Variants in EGFR observed in about 807,000 individuals in gnomAD.
The protein encoded by EGFR is epidermal growth factor receptor, also known as avian erythroblastic leukemia viral (v-erb-b) oncogene homolog.
Under a neutral mutation model 143.0 loss-of-function variants are expected in EGFR, and 58 were observed. The ratio of observed to expected loss-of-function variants is 0.41; its 90% CI spans 0.33 to 0.50. The LOEUF (loss-of-function observed/expected upper bound fraction) is 0.50, where lower values mean the gene tolerates loss of function less well. Among genes scored for constraint, EGFR ranks in the 20% least tolerant of loss-of-function variants. The pLI is 0.39. For synonymous variants in EGFR, 613 were observed against 594.4 expected (o/e 1.03, Z -0.45); for missense variants, 1,307 against 1,579.0 (o/e 0.83, Z 2.92).
intron 1 of EGFR, among the ~76,000 whole-genome samples, chr7:55,070,919 T>C (rs1583965667): frequency 6.6e-6 from 1 of 152,260 alleles, no homozygotes. Context: ...GAGAATCTTA[T>C]TTAATCCAAG....
At chr7:55,065,643 A>G (rs1222518449) in intron 1 of EGFR, among the ~76,000 whole-genome samples, 1 of 152,184 alleles carries the variant, frequency 6.6e-6, no homozygotes, top group African/African-American at 2.4e-5. Context: ...CATGTTAGCT[A>G]TGGCTGTGAA....
rs139396919 is a variant in EGFR, at chr7:55,059,268, A to G, written c.88+39903A>G. Among the ~76,000 whole-genome samples the G allele has an allele frequency of 2.8e-3, 426 of 152,344 alleles. 2 individuals are homozygous for G. The highest frequency in any genetic ancestry group is 9.6e-3 in the African/African-American group (399 of 41,576). ...AATGCTAGCTAGAGTTGAAATAAAG[A>G]GTGAAAGAACTTTCTCTTTTATTAC... is the stretch of plus-strand genomic sequence containing the variant. On this transcript the variant is annotated intron_variant, in intron 1 of 27. Transcript: ENST00000275493.
intron 5 of EGFR, among the ~76,000 whole-genome samples, chr7:55,151,704 C>G (rs1168835294): frequency 6.6e-6 from 1 of 152,104 alleles, no homozygotes; most frequent in Non-Finnish European, 1.5e-5. Flanking sequence ...GAAACCTCGT[C>G]TCTACTAAAA....
At position 55,027,975 on chromosome 7, in the gene EGFR, T is replaced by TAAAA. The variant is rs5884397; in HGVS notation, c.88+8624_88+8627dup. ...TACCTTGTATATTCATGCCTTTATG[T>TAAAA]AAAAAAAAAAAAAAAAATATATATA... On this transcript the variant is annotated intron_variant, in intron 1 of 27. Transcript: ENST00000275493. 1.7e-4 allele frequency among the ~76,000 whole-genome samples: 14 copies of TAAAA among 81,594 alleles called. No individual in the cohort carries two copies. In the South Asian group the frequency reaches 2.1e-3, roughly 12 times the overall value. 53.5% of individuals were successfully genotyped at this position (81,594 alleles called of 152,430 possible).
chr7:55,053,463 G>A (rs959487199), intron 1 of EGFR, among the ~76,000 whole-genome samples: 1 of 152,208 alleles, frequency 6.6e-6, no homozygotes, highest in Non-Finnish European at 1.5e-5. Context: ...CTGTGACCTT[G>A]GTGTCTCTGG....
chr7:55,180,949 G>C (rs1786834426), intron 19 of EGFR: 2 of 411,430 alleles, frequency 4.9e-6, no homozygotes, highest in Non-Finnish European at 9.1e-6. Flanking sequence ...TTGAGGCGGA[G>C]GTCTTCATAA....
At position 55,209,797 on chromosome 7, in the gene EGFR, A is replaced by G; in HGVS notation, c.*4180A>G. ...CTCTTTATGTAGCACTGAACTTTGT[A>G]CAATATATTTTTAGAAACTCATTTT... On this transcript the variant is annotated 3_prime_UTR_variant, in exon 28 of 28. Coordinates refer to ENST00000275493, the MANE Select transcript of EGFR (RefSeq NM_005228.5). The G allele has an allele frequency of 6.6e-6, 1 of 152,316 alleles. No homozygotes were observed. Among genetic ancestry groups the G allele is most frequent in the Non-Finnish European group, 1.5e-5 (1 of 68,020 alleles). 9.4% of individuals were successfully genotyped at this position (152,316 alleles called of 1,614,324 possible). A position where few individuals can be genotyped will look rare whatever the true frequency, so the allele number is the denominator to read the frequency against.
chr7:55,170,199 A>G, intron 15 of EGFR: 2 of 1,593,836 alleles, frequency 1.3e-6, no homozygotes, highest in South Asian at 2.3e-5. Context: ...TGTAGAGAAC[A>G]GAGACCTGGA....
At chr7:55,185,116 GA>G (rs1286135346) in intron 20 of EGFR, among the ~76,000 whole-genome samples, 1 of 152,036 alleles carries the variant, frequency 6.6e-6, no homozygotes, top group Non-Finnish European at 1.5e-5. Flanking sequence ...AACTGCCAAA[GA>G]GATTACATAA....
intron 1 of EGFR, among the ~76,000 whole-genome samples, chr7:55,029,511 A>T (rs1787132024): frequency 6.6e-6 from 1 of 152,128 alleles, no homozygotes; most frequent in African/African-American, 2.4e-5. Flanking sequence ...AAATTTTTAT[A>T]AATAACTGGA....
chr7:55,205,438 G>C lies in EGFR; in HGVS notation c.3454G>C (p.Asp1152His), dbSNP rs368892932. 31 of 1,613,944 alleles carry C rather than the reference G, an allele frequency of 1.9e-5. No homozygotes were observed. The highest frequency in any genetic ancestry group is 1.3e-4 in the Admixed American group (8 of 59,994). Residue 1152 changes from aspartate (D) to histidine (H), a missense_variant, in exon 28 of 28, where the codon GAC (aspartate) becomes CAC (histidine). Physicochemically the swap from Asp to His is moderately conservative, Grantham distance 81. Around this residue, in one of 7 missense-constraint regions of EGFR, gnomAD observed 313 missense variants for 312.3 expected, o/e 1.00. Coordinates refer to ENST00000275493, the MANE Select transcript of EGFR (RefSeq NM_005228.5). ...GCCCACCTGTGTCAACAGCACATTCGACAGCCCTGCCCACTGGGCCCAGAA... is the reference window on the plus strand; with the variant it reads ...GCCCACCTGTGTCAACAGCACATTCCACAGCCCTGCCCACTGGGCCCAGAA... Reference protein sequence around the residue: ...VQPTCVNSTFDSPAHWAQKGS... With the variant: ...VQPTCVNSTFHSPAHWAQKGS...
chr7:55,098,685 C>T (rs188713233), intron 1 of EGFR, among the ~76,000 whole-genome samples: 24 of 152,160 alleles, frequency 1.6e-4, no homozygotes, highest in African/African-American at 4.6e-4. Flanking sequence ...CAAGTTACTC[C>T]GGCAATATAA....
chr7:55,172,126 C>T (rs912433426), intron 16 of EGFR, among the ~76,000 whole-genome samples: 1 of 152,306 alleles, frequency 6.6e-6, no homozygotes, highest in Non-Finnish European at 1.5e-5. Flanking sequence ...ATCTTAGTCA[C>T]GGGGCTTTCC....
At chr7:55,077,215 T>G (rs1021646562) in intron 1 of EGFR, among the ~76,000 whole-genome samples, 1 of 152,198 alleles carries the variant, frequency 6.6e-6, no homozygotes, top group Non-Finnish European at 1.5e-5. Context: ...GCAGTTTTAT[T>G]GACTACTATT....
intron 1 of EGFR, among the ~76,000 whole-genome samples, chr7:55,033,427 C>G (rs1024793928): frequency 2.0e-5 from 3 of 152,144 alleles, no homozygotes; most frequent in African/African-American, 7.2e-5. Context: ...TCAGGGCCCC[C>G]TGGGGACTGC....
At chr7:55,078,433 C>T (rs1451218912) in intron 1 of EGFR, among the ~76,000 whole-genome samples, 1 of 152,194 alleles carries the variant, frequency 6.6e-6, no homozygotes, top group Non-Finnish European at 1.5e-5. Context: ...GTTTGTCACT[C>T]CTAAAGCATG....
rs747148554 is a variant in EGFR at position 55,173,900 on chromosome 7, CTG to C, written c.2062-17_2062-16del. Reference sequence around the variant, plus strand: ...GTGAGGGCTGAGGTGACCCTTGTCTCTGTGTTCTTGTCCCCCCCAGCTTGTGG... The same window carrying C: ...GTGAGGGCTGAGGTGACCCTTGTCTCTGTTCTTGTCCCCCCCAGCTTGTGG... On this transcript the variant is annotated intron_variant, in intron 17 of 27. Transcript: ENST00000275493. 3.1e-6 allele frequency: 5 copies of C among 1,614,238 alleles called. No individual in the cohort carries two copies. The Admixed American group carries it at 8.3e-5, about 27-fold the overall frequency.
chr7:55,196,014 T>C (rs1787597275), intron 22 of EGFR, among the ~76,000 whole-genome samples: 1 of 152,112 alleles, frequency 6.6e-6, no homozygotes. Context: ...TAGAATGATT[T>C]ATATTCCTTT....
Position 55,156,788 on chromosome 7 carries a change from A to G in EGFR, c.1163A>G (p.Asp388Gly). Reference sequence around the variant, plus strand: ...TCCTTCACACATACTCCTCCTCTGGATCCACAGGAACTGGATATTCTGAAA... The same window carrying G: ...TCCTTCACACATACTCCTCCTCTGGGTCCACAGGAACTGGATATTCTGAAA... Reference protein sequence around the residue: ...GDSFTHTPPLDPQELDILKTV... With the variant: ...GDSFTHTPPLGPQELDILKTV... The change falls in exon 10 of 28, where the codon GAT becomes GGT. Residue 388 changes from aspartate (D) to glycine (G), a missense_variant. By Grantham distance (94) the Asp-to-Gly change is moderately conservative. Around this residue, in one of 7 missense-constraint regions of EGFR, gnomAD observed 250 missense variants for 295.1 expected, o/e 0.85. Transcript: ENST00000275493. 6.2e-7 allele frequency: 1 copy of G among 1,614,238 alleles called. No homozygotes were observed. The highest frequency in any genetic ancestry group is 1.1e-5 in the South Asian group (1 of 91,082).
Sources: allele counts gnomAD v4.1 joint callset (sites outside exome capture counted in the v4.1 genomes callset), GRCh38; gene constraint gnomAD v4.1.1; regional missense constraint gnomAD v4.1.1; transcripts MANE v1.5; gene names NCBI Gene and HGNC (gene_info 2026-07-23, HGNC 2026-07-21).